IL1RAPL2: variants seen among roughly 807,000 people sequenced by gnomAD.
IL1RAPL2 encodes X-linked interleukin-1 receptor accessory protein-like 2.
Under a neutral mutation model 44.1 loss-of-function variants are expected in IL1RAPL2, and 3 were observed. The observed-to-expected ratio is 0.07, with a 90% CI of 0.03 to 0.18. The LOEUF is 0.18. Ranked by LOEUF, IL1RAPL2 falls within the 10% of genes least tolerant of loss-of-function variation. IL1RAPL2 has a pLI of 1.00. For missense variants in IL1RAPL2, 391 were observed against 496.4 expected (o/e 0.79, Z 2.02); for synonymous variants, 181 against 178.8 (o/e 1.01, Z -0.10).
intron 10 of IL1RAPL2, among the ~76,000 whole-genome samples, chrX:105,759,898 C>A (rs901762072): frequency 3.6e-5 from 4 of 111,870 alleles, no homozygotes; most frequent in Non-Finnish European, 5.6e-5. Flanking sequence ...AGATTGGACA[C>A]CATTTAATTA....
chrX:105,427,482 A>G (rs764940671), intron 5 of IL1RAPL2, among the ~76,000 whole-genome samples: 64 of 112,155 alleles, frequency 5.7e-4, no homozygotes, highest in Non-Finnish European at 9.2e-4. Context: ...TATCCTTCCT[A>G]GTAAATATCA....
chrX:105,455,864 A>G (rs1231175307), intron 5 of IL1RAPL2, among the ~76,000 whole-genome samples: 1 of 111,884 alleles, frequency 8.9e-6, no homozygotes, highest in Non-Finnish European at 1.9e-5. Flanking sequence ...GAAGAATGTC[A>G]TTGGTAATTT....
At chrX:105,707,992 T>C (rs138603704) in intron 6 of IL1RAPL2, among the ~76,000 whole-genome samples, 1,782 of 110,766 alleles carry the variant, frequency 0.016, 19 homozygotes, top group Non-Finnish European at 0.025. Flanking sequence ...TAGAGTATAA[T>C]GAATGGCAAG....
intron 5 of IL1RAPL2, among the ~76,000 whole-genome samples, chrX:105,305,413 C>A (rs998581235): frequency 9.0e-6 from 1 of 111,257 alleles, no homozygotes; most frequent in African/African-American, 3.3e-5. Context: ...GTCAATGACA[C>A]TTTCATCTTT....
chrX:104,718,206 T>A (rs1432839195), intron 2 of IL1RAPL2, among the ~76,000 whole-genome samples: 1 of 110,974 alleles, frequency 9.0e-6, no homozygotes, highest in Non-Finnish European at 1.9e-5. Flanking sequence ...GTTGAACTAG[T>A]TTACAGTCCC....
chrX:104,815,465 G>A (rs1337642209), intron 2 of IL1RAPL2, among the ~76,000 whole-genome samples: 1 of 111,675 alleles, frequency 9.0e-6, no homozygotes, highest in East Asian at 2.8e-4. Context: ...TGAAGAGTAT[G>A]TAGATGACAT....
intron 5 of IL1RAPL2, among the ~76,000 whole-genome samples, chrX:105,444,024 T>A (rs954898256): frequency 8.9e-6 from 1 of 112,386 alleles, no homozygotes; most frequent in Admixed American, 9.4e-5. Context: ...GTCTTTTGGA[T>A]GAAAGCCATT....
At chrX:105,096,966 C>T (rs2032610843) in intron 2 of IL1RAPL2, among the ~76,000 whole-genome samples, 1 of 111,209 alleles carries the variant, frequency 9.0e-6, no homozygotes, top group African/African-American at 3.3e-5. Flanking sequence ...CTTGCCCTAA[C>T]TCTTGCCAGG....
chrX:105,512,116 TGG>T (rs2036474788), intron 6 of IL1RAPL2, among the ~76,000 whole-genome samples: 2 of 111,450 alleles, frequency 1.8e-5, no homozygotes, highest in African/African-American at 6.5e-5. Context: ...ATGGCATTTC[TGG>T]GTGAAAAACT....
At chrX:105,220,138 C>T (rs782614639) in intron 3 of IL1RAPL2, 2 of 1,210,378 alleles carry the variant, frequency 1.7e-6, no homozygotes, top group East Asian at 3.0e-5. Context: ...CACCCTGTGC[C>T]TTTGTAGCTG....
chrX:105,517,490 C>T (rs1195172820), intron 6 of IL1RAPL2, among the ~76,000 whole-genome samples: 1 of 111,041 alleles, frequency 9.0e-6, no homozygotes. Flanking sequence ...AATTTGAATG[C>T]TTGCTGTTTT....
chrX:105,607,564 G>A (rs1433756188), intron 6 of IL1RAPL2, among the ~76,000 whole-genome samples: 1 of 96,039 alleles, frequency 1.0e-5, no homozygotes, highest in Non-Finnish European at 2.0e-5. Context: ...TTGCTTATGA[G>A]CGTCAGATAG....
chrX:105,670,146 T>TATATATATATATATATATATATATATA lies in IL1RAPL2; in HGVS notation c.773-47219_773-47218insATATATATATATATATATATATATAAT, dbSNP rs1301114173. 4.3e-4 allele frequency among the ~76,000 whole-genome samples: 20 copies of TATATATATATATATATATATATATATA among 46,330 alleles called. 3 individuals are homozygous for TATATATATATATATATATATATATATA. Among genetic ancestry groups the TATATATATATATATATATATATATATA allele is most frequent in the Non-Finnish European group, 7.2e-4 (16 of 22,282 alleles). The allele number at this position is 46,330 out of a possible 115,157, so 40.2% of individuals were successfully genotyped here. A position where few individuals can be genotyped will look rare whatever the true frequency, so the allele number is the denominator to read the frequency against. On this transcript the variant is annotated intron_variant, in intron 6 of 10. Transcript: ENST00000372582. ...ATATATATATATATATATATATATA[T>TATATATATATATATATATATATATATA]ATCTCCACCAGACCACACAGTCTTG...
intron 2 of IL1RAPL2, among the ~76,000 whole-genome samples, chrX:105,029,983 T>A (rs1181667890): frequency 2.7e-5 from 3 of 112,301 alleles, no homozygotes; most frequent in Non-Finnish European, 5.6e-5. Flanking sequence ...GGTTTTGATT[T>A]GCATTTCTCT....
intron 7 of IL1RAPL2, among the ~76,000 whole-genome samples, chrX:105,739,595 G>A (rs1237701511): frequency 3.0e-5 from 3 of 101,180 alleles, no homozygotes; most frequent in East Asian, 3.3e-4. Context: ...GAGAATATGC[G>A]GTGTTTGGTT....
chrX:105,695,025 T>A (rs1257140646), intron 6 of IL1RAPL2, among the ~76,000 whole-genome samples: 10 of 111,502 alleles, frequency 9.0e-5, no homozygotes, highest in Non-Finnish European at 1.9e-4. Flanking sequence ...TGAGGAAGGT[T>A]AGCTTCATTT....
At chrX:105,395,948 A>AT (rs1228535837) in intron 5 of IL1RAPL2, among the ~76,000 whole-genome samples, 1 of 111,632 alleles carries the variant, frequency 9.0e-6, no homozygotes, top group African/African-American at 3.2e-5. Flanking sequence ...CCTCCAGGGG[A>AT]TTTTTTTGCA....
intron 4 of IL1RAPL2, among the ~76,000 whole-genome samples, chrX:105,255,007 G>A (rs2034303049): frequency 9.0e-6 from 1 of 111,529 alleles, no homozygotes; most frequent in African/African-American, 3.3e-5. Flanking sequence ...GTTTTGTTCT[G>A]TTTGCTCAGA....
At chrX:105,008,498 G>T (rs189006101) in intron 2 of IL1RAPL2, among the ~76,000 whole-genome samples, 1 of 111,328 alleles carries the variant, frequency 9.0e-6, no homozygotes, top group Non-Finnish European at 1.9e-5. Flanking sequence ...ACAAGAAATG[G>T]GGAAAGGATT....
Sources: gnomAD v4.1 joint callset for allele counts (sites outside exome capture counted in the v4.1 genomes callset) on GRCh38, gnomAD v4.1.1 for gene constraint, MANE v1.5 for transcripts, NCBI Gene and HGNC (gene_info 2026-07-23, HGNC 2026-07-21) for gene names.